Variants in DLGAP2 observed in about 807,000 individuals in gnomAD.
DLGAP2 encodes DLG associated protein 2, also known as disks large-associated protein 2.
A neutral mutation model predicts 100.3 loss-of-function variants in DLGAP2; 26 were observed. The observed-to-expected ratio is 0.26, with a 90% CI of 0.19 to 0.36. The LOEUF is 0.36. Ranked by LOEUF, DLGAP2 falls within the 10% of genes least tolerant of loss-of-function variation. DLGAP2 has a pLI of 1.00. For missense variants in DLGAP2, 1,858 were observed against 1,453.2 expected (o/e 1.28, Z -4.53); for synonymous variants, 886 against 630.1 (o/e 1.41, Z -6.08).
intron 12 of DLGAP2, among the ~76,000 whole-genome samples, chr8:1,686,194 G>C (rs998344047): frequency 1.3e-5 from 2 of 152,152 alleles, no homozygotes; most frequent in African/African-American, 2.4e-5. Context: ...TAGAAAAATG[G>C]ATAAAGAAAA....
At chr8:912,571 C>T (rs1049501617) in intron 2 of DLGAP2, among the ~76,000 whole-genome samples, 1 of 152,226 alleles carries the variant, frequency 6.6e-6, no homozygotes, top group East Asian at 1.9e-4. Flanking sequence ...TTCTTGGCAG[C>T]CACCAGTTGT....
chr8:1,223,889 A>G (rs1285530427), intron 2 of DLGAP2, among the ~76,000 whole-genome samples: 4 of 152,232 alleles, frequency 2.6e-5, no homozygotes, highest in African/African-American at 9.6e-5. Flanking sequence ...CTAGCAAACA[A>G]TGTGTGAGAT....
At chr8:788,663 C>G (rs6993029) in intron 1 of DLGAP2, among the ~76,000 whole-genome samples, 151,851 of 152,404 alleles carry the variant, frequency 1, 75,652 homozygotes, top group Middle Eastern at 1. Context: ...AAGCCCAGAG[C>G]GGGCAGAAGT....
At chr8:1,386,159 T>G (rs1333599264) in intron 3 of DLGAP2, among the ~76,000 whole-genome samples, 2 of 152,204 alleles carry the variant, frequency 1.3e-5, no homozygotes, top group Non-Finnish European at 2.9e-5. Flanking sequence ...CACAGTGACT[T>G]TGCAAAAACT....
intron 3 of DLGAP2, among the ~76,000 whole-genome samples, chr8:1,335,210 C>T (rs13254859): frequency 0.14 from 21,352 of 152,178 alleles, 1,737 homozygotes; most frequent in Admixed American, 0.18. Context: ...TCTCAGTCTA[C>T]ACCGAAGCCA....
chr8:1,502,992 C>T (rs150308127), intron 4 of DLGAP2, among the ~76,000 whole-genome samples: 88 of 152,214 alleles, frequency 5.8e-4, no homozygotes, highest in Non-Finnish European at 9.4e-4. Flanking sequence ...CTGGGGAGGC[C>T]AGCTTTGCCT....
intron 3 of DLGAP2, among the ~76,000 whole-genome samples, chr8:1,340,707 C>T (rs1046579901): frequency 3.9e-5 from 6 of 152,154 alleles, no homozygotes; most frequent in African/African-American, 1.4e-4. Context: ...CACCATTGGA[C>T]TCAGCAATGC....
chr8:755,481 A>G lies in DLGAP2; in HGVS notation c.18+17656A>G, dbSNP rs1032211812. ...CAAAAAGAAAAAAAATTAATTGCCA[A>G]GCAAGTGAATTGCTAAACATGTTTT... is the stretch of plus-strand genomic sequence containing the variant. On this transcript the variant is annotated intron_variant, in intron 1 of 14. Coordinates refer to ENST00000637795, the MANE Select transcript of DLGAP2 (RefSeq NM_001346810.2). Among the ~76,000 whole-genome samples the G allele has an allele frequency of 2.0e-5, 3 of 152,214 alleles. 1 individual carries two copies. Among genetic ancestry groups the G allele is most frequent in the African/African-American group, 7.2e-5 (3 of 41,458 alleles).
rs557065506 is a variant in DLGAP2, at chr8:1,585,373, A to G, written c.1442+19479A>G. Among the ~76,000 whole-genome samples, 510 of 152,240 alleles carry G rather than the reference A, an allele frequency of 3.3e-3. 3 individuals are homozygous for G. Among genetic ancestry groups the G allele is most frequent in the African/African-American group, 0.011 (475 of 41,560 alleles). ...CAGGTACCCAGGTGGCCGAGCCAGG[A>G]GAATTGCGTGAATCTGGGAGGCGGA... is the stretch of plus-strand genomic sequence containing the variant. On this transcript the variant is annotated intron_variant, in intron 6 of 14. Transcript: ENST00000637795.
intron 3 of DLGAP2, among the ~76,000 whole-genome samples, chr8:1,286,760 T>C (rs999191868): frequency 2.0e-5 from 3 of 152,228 alleles, no homozygotes; most frequent in African/African-American, 7.2e-5. Flanking sequence ...GCACCCTCTG[T>C]GCTGTACTGA....
intron 3 of DLGAP2, among the ~76,000 whole-genome samples, chr8:1,341,119 T>G (rs1016835124): frequency 1.3e-5 from 2 of 152,114 alleles, no homozygotes; most frequent in Non-Finnish European, 2.9e-5. Context: ...ATCAGGAAAG[T>G]AACTAATTGA....
chr8:1,358,892 A>G (rs1002605941), intron 3 of DLGAP2, among the ~76,000 whole-genome samples: 2 of 150,422 alleles, frequency 1.3e-5, no homozygotes, highest in Non-Finnish European at 3.0e-5. Flanking sequence ...TGAGGTCCAG[A>G]GACTCGGGAA....
At position 776,674 on chromosome 8, in the gene DLGAP2, T is replaced by C. The variant is rs182557144; in HGVS notation, c.18+38849T>C. Among the ~76,000 whole-genome samples, 960 of 152,372 alleles carry C rather than the reference T, an allele frequency of 6.3e-3. 12 individuals are homozygous for C. Among genetic ancestry groups the C allele is most frequent in the African/African-American group, 0.022 (917 of 41,580 alleles). ...GCTGAGCGGTTTTGAGTGAGATTCT[T>C]AATCCTGACTTCTAGTTTGATTGCA... is the stretch of plus-strand genomic sequence containing the variant. On this transcript the variant is annotated intron_variant, in intron 1 of 14. Transcript: ENST00000637795.
intron 6 of DLGAP2, among the ~76,000 whole-genome samples, chr8:1,606,063 A>G (rs1197207984): frequency 6.6e-6 from 1 of 152,204 alleles, no homozygotes; most frequent in Admixed American, 6.5e-5. Context: ...AAAATGAATT[A>G]TCGTTAACTC....
chr8:1,261,021 G>T (rs28391410), intron 3 of DLGAP2, among the ~76,000 whole-genome samples: 1 of 152,218 alleles, frequency 6.6e-6, no homozygotes, highest in Admixed American at 6.5e-5. Flanking sequence ...AGTGGCGTGA[G>T]GAGGGGAGGA....
At chr8:1,154,659 C>T (rs1018305838) in intron 2 of DLGAP2, among the ~76,000 whole-genome samples, 1 of 152,178 alleles carries the variant, frequency 6.6e-6, no homozygotes, top group Admixed American at 6.5e-5. Context: ...TACACTGCCA[C>T]GGAAGAGGCC....
intron 3 of DLGAP2, among the ~76,000 whole-genome samples, chr8:1,430,005 TACATATATATATATATATATATACAC>T (rs1354387938): frequency 1.3e-5 from 1 of 76,832 alleles, no homozygotes; most frequent in Non-Finnish European, 2.6e-5. Flanking sequence ...TGCATATATA[TACATATATATATATATATATATACAC>T]ACACACACAT....
chr8:1,687,860 T>C (rs2130870656), intron 12 of DLGAP2, among the ~76,000 whole-genome samples: 1 of 152,354 alleles, frequency 6.6e-6, no homozygotes, highest in South Asian at 2.1e-4. Flanking sequence ...CACTTCTATA[T>C]ATTTCTGCAG....
chr8:881,505 T>A (rs1797791851), intron 1 of DLGAP2, among the ~76,000 whole-genome samples: 1 of 148,148 alleles, frequency 6.8e-6, no homozygotes, highest in African/African-American at 2.5e-5. Context: ...TCTTTTTTTT[T>A]TTTTTTTTTT....
Sources: gnomAD v4.1 joint callset for allele counts (sites outside exome capture counted in the v4.1 genomes callset) on GRCh38, gnomAD v4.1.1 for gene constraint, MANE v1.5 for transcripts, NCBI Gene and HGNC (gene_info 2026-07-23, HGNC 2026-07-21) for gene names.